The following ITPRID1 variants were observed in gnomAD, a reference collection of about 807,000 sequenced individuals.
ITPRID1 encodes protein ITPRID1.
In ITPRID1, 96 loss-of-function variants were observed where a neutral mutation model predicts 95.4. The observed-to-expected ratio is 1.01, with a 90% CI of 0.85 to 1.19. The LOEUF is 1.19. Among genes scored for constraint, ITPRID1 ranks in the 50% most tolerant of loss-of-function variants. ITPRID1 has a pLI of 0.00. For missense variants in ITPRID1, 1,339 were observed against 1,252.9 expected, an observed-to-expected ratio of 1.07 and a Z score of -1.04; for synonymous variants, 510 against 453.6, an observed-to-expected ratio of 1.12 and a Z score of -1.58.
intron 5 of ITPRID1, among the ~76,000 whole-genome samples, chr7:31,568,319 A>G (rs933471453): frequency 2.6e-5 from 4 of 152,114 alleles, no homozygotes; most frequent in African/African-American, 4.8e-5. Flanking sequence ...TCGTCTATTC[A>G]TAGACCCTCT....
chr7:31,616,730 AT>A (rs1787270592), intron 10 of ITPRID1, among the ~76,000 whole-genome samples: 2 of 152,026 alleles, frequency 1.3e-5, no homozygotes, highest in South Asian at 2.1e-4. Flanking sequence ...AGGAAGCAGC[AT>A]AAGGATTATG....
chr7:31,588,253 G>A (rs1163415214), intron 10 of ITPRID1, among the ~76,000 whole-genome samples: 1 of 152,082 alleles, frequency 6.6e-6, no homozygotes, highest in East Asian at 1.9e-4. Flanking sequence ...GGAAGGAATG[G>A]CACTGGGTGA....
At chr7:31,565,143 G>A (rs1784753225) in intron 5 of ITPRID1, among the ~76,000 whole-genome samples, 1 of 152,124 alleles carries the variant, frequency 6.6e-6, no homozygotes, top group Admixed American at 6.5e-5. Flanking sequence ...GTTGGAAAAA[G>A]CTATCACTGC....
chr7:31,517,584 C>T (rs1783085993), intron 1 of ITPRID1: 1 of 153,274 alleles, frequency 6.5e-6, no homozygotes, highest in Admixed American at 6.5e-5. Flanking sequence ...CCGATCAAGC[C>T]CAGCAGGCGC....
chr7:31,528,355 A>G (rs1300728258), intron 1 of ITPRID1, among the ~76,000 whole-genome samples: 1 of 152,206 alleles, frequency 6.6e-6, no homozygotes. Context: ...TAAGGTCATC[A>G]TTTTGCAAGT....
At chr7:31,658,299 C>CTT (rs35589779), downstream of ITPRID1, 6,097 of 1,368,314 alleles carry the variant, frequency 4.5e-3, no homozygotes, top group East Asian at 0.013. Context: ...AGCTGGATCC[C>CTT]TTTTTTTTTT....
intron 10 of ITPRID1, among the ~76,000 whole-genome samples, chr7:31,640,474 C>T (rs967935246): frequency 6.6e-6 from 1 of 152,334 alleles, no homozygotes; most frequent in South Asian, 2.1e-4. Context: ...AGCTCTGTTT[C>T]CTCAGCTTCA....
chr7:31,602,655 G>A (rs1351056578), intron 10 of ITPRID1, among the ~76,000 whole-genome samples: 1 of 152,098 alleles, frequency 6.6e-6, no homozygotes, highest in Admixed American at 6.5e-5. Flanking sequence ...CTGGGTAGTC[G>A]CCATCGGGGT....
intron 12 of ITPRID1, among the ~76,000 whole-genome samples, chr7:31,646,896 T>C (rs1298916625): frequency 2.0e-5 from 3 of 152,240 alleles, no homozygotes; most frequent in Non-Finnish European, 4.4e-5. Flanking sequence ...GGTACTTTTA[T>C]ATCCAGTTGA....
intron 1 of ITPRID1, among the ~76,000 whole-genome samples, chr7:31,516,339 AGAACT>A (rs1384856783): frequency 3.9e-5 from 6 of 152,204 alleles, no homozygotes; most frequent in Non-Finnish European, 5.9e-5. Context: ...TTCAGAGAAA[AGAACT>A]AATATATCAA....
intron 2 of ITPRID1, among the ~76,000 whole-genome samples, chr7:31,550,200 CTTTT>C (rs60891720): frequency 2.9e-5 from 4 of 136,882 alleles, no homozygotes; most frequent in Non-Finnish European, 4.7e-5. Flanking sequence ...TTTGCATCCT[CTTTT>C]TTTTTTTTTT....
chr7:31,583,041 C>G, intron 9 of ITPRID1, 93 bp from the exon 10 acceptor site: 1 of 844,556 alleles, frequency 1.2e-6, no homozygotes, highest in Non-Finnish European at 2.0e-6. Flanking sequence ...GTTTATCCCT[C>G]TTATCAGTTG....
chr7:31,578,244 A>T lies in ITPRID1; in HGVS notation c.980A>T (p.Tyr327Phe), dbSNP rs1283734121. The T allele has an allele frequency of 2.5e-6, 4 of 1,613,716 alleles. No individual in the cohort carries two copies. Among genetic ancestry groups the T allele is most frequent in the African/African-American group, 2.7e-5 (2 of 74,906 alleles). The change falls in exon 9 of 15, where the codon TAT (tyrosine) becomes TTT (phenylalanine). Residue 327 changes from tyrosine to phenylalanine, a missense_variant. By Grantham distance (22) the Tyr-to-Phe change is conservative. Transcript: ENST00000615280. ...CAAGCCTGTGATGATTTGCTACCTT[A>T]TCCTCCTCATGGTCTTCTGAGCAAG... ...SLQACDDLLPYPPHGLLSKQW... is the reference protein window; with the variant it reads ...SLQACDDLLPFPPHGLLSKQW...
At chr7:31,556,317 T>C (rs574252750) in intron 5 of ITPRID1, among the ~76,000 whole-genome samples, 88 of 152,320 alleles carry the variant, frequency 5.8e-4, no homozygotes, top group African/African-American at 2.1e-3. Flanking sequence ...AATAGCTTCT[T>C]ACACGTTTAA....
At chr7:31,588,777 G>T (rs1785737691) in intron 10 of ITPRID1, among the ~76,000 whole-genome samples, 1 of 152,026 alleles carries the variant, frequency 6.6e-6, no homozygotes, top group South Asian at 2.1e-4. Flanking sequence ...AATTAAATCT[G>T]TTCAAATCTC....
At chr7:31,582,798 C>T (rs1038096915) in intron 9 of ITPRID1, among the ~76,000 whole-genome samples, 18 of 151,940 alleles carry the variant, frequency 1.2e-4, no homozygotes, top group African/African-American at 4.1e-4. Context: ...ATTTATCAAG[C>T]CTTAATTAAC....
At chr7:31,566,719 T>C (rs923056736) in intron 5 of ITPRID1, among the ~76,000 whole-genome samples, 2 of 152,246 alleles carry the variant, frequency 1.3e-5, no homozygotes, top group Non-Finnish European at 2.9e-5. Context: ...TGCTTGCATC[T>C]ATGACATGAT....
chr7:31,519,620 C>CCATATATATATATATA (rs1554279824), intron 1 of ITPRID1, among the ~76,000 whole-genome samples: 4 of 25,270 alleles, frequency 1.6e-4, no homozygotes, highest in Non-Finnish European at 2.2e-4. Flanking sequence ...CTCTCTCTCT[C>CCATATATATATATATA]TATATATATA....
intron 5 of ITPRID1, among the ~76,000 whole-genome samples, chr7:31,566,265 A>G (rs981812282): frequency 2.0e-5 from 3 of 152,154 alleles, no homozygotes; most frequent in African/African-American, 7.2e-5. Flanking sequence ...ATATCTGAAA[A>G]CGGATCATTT....
Sources: gnomAD v4.1 joint callset for allele counts (sites outside exome capture counted in the v4.1 genomes callset) on GRCh38, gnomAD v4.1.1 for gene constraint, MANE v1.5 for transcripts, NCBI Gene and HGNC (gene_info 2026-07-23, HGNC 2026-07-21) for gene names.